SEPTIN10: variants seen among roughly 807,000 people sequenced by gnomAD.
The protein encoded by SEPTIN10 is septin 10.
SEPTIN10 carries 66 observed loss-of-function variants against 54.8 expected under a neutral mutation model. The ratio of observed to expected loss-of-function variants is 1.21; its 90% CI spans 0.99 to 1.48. The LOEUF (loss-of-function observed/expected upper bound fraction) is 1.48. Among genes scored for constraint, SEPTIN10 ranks in the 40% most tolerant of loss-of-function variants. The probability of loss-of-function intolerance (pLI) is 0.00; values close to 1 mark genes in which losing one functional copy is unlikely to be tolerated. For missense variants in SEPTIN10, 620 were observed against 545.6 expected, an observed-to-expected ratio of 1.14 and a Z score of -1.36; for synonymous variants, 161 against 181.0, an observed-to-expected ratio of 0.89 and a Z score of 0.89.
At chr2:109,587,116 A>G (rs1048967138) in intron 2 of SEPTIN10, among the ~76,000 whole-genome samples, 1 of 152,230 alleles carries the variant, frequency 6.6e-6, no homozygotes. Flanking sequence ...CAAATATGCT[A>G]AAGAATCTAC....
At chr2:109,547,586 AT>A (rs1421939909) in intron 9 of SEPTIN10, among the ~76,000 whole-genome samples, 1 of 152,114 alleles carries the variant, frequency 6.6e-6, no homozygotes, top group African/African-American at 2.4e-5. Flanking sequence ...AAAGGGAGCA[AT>A]GTCACCTTAG....
At chr2:109,546,311 A>T in intron 9 of SEPTIN10, 74 bp from the exon 10 acceptor site, 1 of 963,874 alleles carries the variant, frequency 1.0e-6, no homozygotes, top group Non-Finnish European at 1.5e-6. Context: ...TCAGCAACAC[A>T]AAGGCGGACC....
intron 2 of SEPTIN10, among the ~76,000 whole-genome samples, chr2:109,590,065 T>C (rs1461407267): frequency 2.0e-5 from 3 of 148,218 alleles, no homozygotes; most frequent in East Asian, 3.9e-4. Flanking sequence ...TGTATATATA[T>C]ACACACACAT....
intron 1 of SEPTIN10, among the ~76,000 whole-genome samples, chr2:109,608,230 A>G (rs892247693): frequency 2.6e-5 from 4 of 152,196 alleles, no homozygotes; most frequent in Non-Finnish European, 4.4e-5. Context: ...AAATGTCACC[A>G]TGCACAGCTT....
chr2:109,606,231 A>G (rs1409047431), intron 1 of SEPTIN10, among the ~76,000 whole-genome samples: 1 of 152,186 alleles, frequency 6.6e-6, no homozygotes, highest in African/African-American at 2.4e-5. Flanking sequence ...CCTGGCCAAC[A>G]TGGTGAAACC....
chr2:109,612,845 T>G (rs1699549000), intron 1 of SEPTIN10, among the ~76,000 whole-genome samples: 1 of 152,084 alleles, frequency 6.6e-6, no homozygotes, highest in Non-Finnish European at 1.5e-5. Context: ...TTTGTCCAGG[T>G]TCTATAAAAC....
At chr2:109,598,347 C>T (rs1025084121) in intron 1 of SEPTIN10, among the ~76,000 whole-genome samples, 5 of 151,962 alleles carry the variant, frequency 3.3e-5, no homozygotes, top group African/African-American at 1.2e-4. Flanking sequence ...GGATTATAGG[C>T]GTGAGCCACT....
chr2:109,593,720 T>TA (rs1328644185), intron 1 of SEPTIN10, among the ~76,000 whole-genome samples: 1 of 152,030 alleles, frequency 6.6e-6, no homozygotes, highest in African/African-American at 2.4e-5. Context: ...TTTTTAAAGA[T>TA]ACTCTAAGAG....
rs186659364 is a variant in SEPTIN10 at position 109,595,481 on chromosome 2, G to A, written c.31-2362C>T. On this transcript the variant is annotated intron_variant, in intron 1 of 10. Transcript: ENST00000397712. ...TCATGTGGTACCTAAGCAGTATCAC[G>A]TCCCTCTAGTCTGTAGGACAGAAAC... 1.3e-4 allele frequency among the ~76,000 whole-genome samples: 20 copies of A among 152,212 alleles called. No homozygotes were observed. In the East Asian group the frequency reaches 2.7e-3, roughly 21 times the overall value.
At chr2:109,572,703 G>A (rs992846032) in intron 5 of SEPTIN10, among the ~76,000 whole-genome samples, 6 of 135,914 alleles carry the variant, frequency 4.4e-5, no homozygotes, top group Middle Eastern at 4.5e-3. Flanking sequence ...CACAACCTCC[G>A]CCTCCTGGGT....
intron 8 of SEPTIN10, among the ~76,000 whole-genome samples, chr2:109,561,207 C>T (rs1685574896): frequency 1.3e-5 from 2 of 152,120 alleles, no homozygotes; most frequent in African/African-American, 2.4e-5. Context: ...CTTCCGGAGT[C>T]TTACAGATGC....
chr2:109,585,805 C>T lies in SEPTIN10; in HGVS notation c.133G>A (p.Gly45Ser), dbSNP rs199941021. 4.1e-3 allele frequency: 6,539 copies of T among 1,613,478 alleles called. 42 individuals are homozygous for T. Among genetic ancestry groups the T allele is most frequent in the South Asian group, 8.3e-3 (753 of 91,038 alleles). The change falls in exon 3 of 11, where the codon GGC becomes AGC. Residue 45 changes from glycine (G) to serine (S), a missense_variant. Gly to Ser is a moderately conservative substitution (Grantham distance 56, BLOSUM62 0). Transcript: ENST00000397712. ...RENIRSLTMS[G>S]HVGFESLPDQ... Reference sequence around the variant, plus strand: ...GGCAAACTCTCAAAACCAACATGGCCAGACATAGTCAACGAACGAATGTTT... The same window carrying T: ...GGCAAACTCTCAAAACCAACATGGCTAGACATAGTCAACGAACGAATGTTT...
intron 4 of SEPTIN10, among the ~76,000 whole-genome samples, chr2:109,575,731 C>G (rs1201828886): frequency 6.6e-6 from 1 of 152,190 alleles, no homozygotes; most frequent in Non-Finnish European, 1.5e-5. Context: ...TGTCAAATTC[C>G]CTGGAAACCT....
At chr2:109,596,734 T>C (rs1270482019) in intron 1 of SEPTIN10, among the ~76,000 whole-genome samples, 1 of 152,228 alleles carries the variant, frequency 6.6e-6, no homozygotes, top group Non-Finnish European at 1.5e-5. Context: ...TATCTGCTTT[T>C]GTTTATTCAT....
At chr2:109,601,445 T>A (rs1157988832) in intron 1 of SEPTIN10, among the ~76,000 whole-genome samples, 1 of 152,260 alleles carries the variant, frequency 6.6e-6, no homozygotes, top group Non-Finnish European at 1.5e-5. Context: ...TAAATTTCTG[T>A]CAATTTGACA....
At chr2:109,552,056 G>C (rs1316386483) in intron 9 of SEPTIN10, among the ~76,000 whole-genome samples, 1 of 152,224 alleles carries the variant, frequency 6.6e-6, no homozygotes, top group Non-Finnish European at 1.5e-5. Context: ...CCTACTGTCA[G>C]ATCAGTGGTG....
At chr2:109,570,063 C>A (rs575575521) in intron 5 of SEPTIN10, among the ~76,000 whole-genome samples, 7 of 152,096 alleles carry the variant, frequency 4.6e-5, no homozygotes, top group Non-Finnish European at 1.0e-4. Context: ...TTAAAATGGG[C>A]CAAATCAAGT....
chr2:109,598,741 G>A (rs941703755), intron 1 of SEPTIN10, among the ~76,000 whole-genome samples: 3 of 152,070 alleles, frequency 2.0e-5, no homozygotes, highest in Admixed American at 6.5e-5. Context: ...TACTCAGGAG[G>A]CTAGGTTCAA....
chr2:109,571,662 G>A (rs928507185), intron 5 of SEPTIN10, among the ~76,000 whole-genome samples: 1 of 152,172 alleles, frequency 6.6e-6, no homozygotes, highest in Non-Finnish European at 1.5e-5. Flanking sequence ...TGCACTGCAA[G>A]ACTGTCCTAC....
Sources: allele counts gnomAD v4.1 joint callset (sites outside exome capture counted in the v4.1 genomes callset), GRCh38; gene constraint gnomAD v4.1.1; transcripts MANE v1.5; gene names NCBI Gene and HGNC (gene_info 2026-07-23, HGNC 2026-07-21).